Variants in KLF12 observed in about 807,000 individuals in gnomAD.
KLF12 encodes the protein KLF transcription factor 12.
In KLF12, 9 loss-of-function variants were observed where a neutral mutation model predicts 37.8. That is an observed-to-expected ratio of 0.24 (90% confidence interval 0.14 to 0.42). The LOEUF (loss-of-function observed/expected upper bound fraction) is 0.42. Ranked by LOEUF, KLF12 falls within the 10% of genes least tolerant of loss-of-function variation. The pLI is 1.00. For missense variants in KLF12, 411 were observed against 516.0 expected, an observed-to-expected ratio of 0.80 and a Z score of 1.97; for synonymous variants, 208 against 202.1, an observed-to-expected ratio of 1.03 and a Z score of -0.25.
At chr13:74,161,449 G>C in the KLF12 span, among the ~76,000 whole-genome samples, 2 of 152,152 alleles carry the variant, frequency 1.3e-5, no homozygotes, top group Non-Finnish European at 2.9e-5. Context: ...AGGCCATGTG[G>C]AGATGAAGAC....
the KLF12 span, among the ~76,000 whole-genome samples, chr13:74,172,070 A>C: frequency 1.3e-5 from 2 of 152,064 alleles, no homozygotes; most frequent in Non-Finnish European, 2.9e-5. Flanking sequence ...TGGCTATCAA[A>C]TATATGTTTC....
chr13:73,846,130 G>A lies in KLF12; in HGVS notation c.367C>T (p.Leu123=). Residue 123 remains leucine (L), a synonymous_variant, in exon 4 of 8, where the codon CTA becomes TTA. Transcript: ENST00000377669. ...GTGATAACAGTTGGGGATGAGGCTA[G>A]ACGACTAGAAGACGATGAAGAGGTT... 1 of 1,614,138 alleles carries A rather than the reference G, an allele frequency of 6.2e-7. No homozygotes were observed. The highest frequency in any genetic ancestry group is 8.5e-7 in the Non-Finnish European group (1 of 1,180,018).
chr13:74,251,016 C>T, the KLF12 span, among the ~76,000 whole-genome samples: 4 of 152,206 alleles, frequency 2.6e-5, no homozygotes, highest in African/African-American at 4.8e-5. Flanking sequence ...GCTGCCTGTC[C>T]TGACATTGCC....
chr13:74,077,227 C>A (rs572253065), intron 1 of KLF12, among the ~76,000 whole-genome samples: 1 of 152,286 alleles, frequency 6.6e-6, no homozygotes, highest in South Asian at 2.1e-4. Flanking sequence ...TGCCACACTG[C>A]TTTCCCCAAT....
In KLF12 at chr13:74,110,340, T is replaced by C. The variant is rs1000624788; in HGVS notation, c.-32+23399A>G. Among the ~76,000 whole-genome samples, 4 of 152,202 alleles carry C rather than the reference T, an allele frequency of 2.6e-5. No individual in the cohort carries two copies. The East Asian group carries it at 7.7e-4, about 29-fold the overall frequency. On this transcript the variant is annotated intron_variant, in intron 1 of 7. Coordinates refer to ENST00000377669, the MANE Select transcript of KLF12 (RefSeq NM_007249.5). ...AGGCCAGTCCTCAACAGATCATTCT[T>C]AGAACCTCTGGTATGGCTTTATCAT...
the KLF12 span, among the ~76,000 whole-genome samples, chr13:74,172,189 C>T: frequency 8.0e-6 from 1 of 124,618 alleles, no homozygotes; most frequent in African/African-American, 2.8e-5. Flanking sequence ...GACATGTGTT[C>T]CCAGTGCTGT....
At chr13:74,220,113 T>G in the KLF12 span, among the ~76,000 whole-genome samples, 1 of 152,204 alleles carries the variant, frequency 6.6e-6, no homozygotes, top group Non-Finnish European at 1.5e-5. Flanking sequence ...TTTGCCTTTT[T>G]GTGCATTGTT....
chr13:73,768,391 G>A (rs540070358), intron 5 of KLF12, among the ~76,000 whole-genome samples: 1 of 152,254 alleles, frequency 6.6e-6, no homozygotes, highest in African/African-American at 2.4e-5. Context: ...GGTAATTCCA[G>A]GGGATTAAGA....
At chr13:74,033,946 C>T (rs1338529747) in intron 1 of KLF12, among the ~76,000 whole-genome samples, 1 of 149,184 alleles carries the variant, frequency 6.7e-6, no homozygotes, top group African/African-American at 2.5e-5. Flanking sequence ...CTTACCCAAG[C>T]TGAAAGCCAA....
At chr13:74,286,737 G>T in the KLF12 span, among the ~76,000 whole-genome samples, 1 of 152,158 alleles carries the variant, frequency 6.6e-6, no homozygotes, top group Non-Finnish European at 1.5e-5. Flanking sequence ...GTTAGGACAT[G>T]GAGGCTGATT....
At chr13:73,712,883 G>C in intron 7 of KLF12, among the ~76,000 whole-genome samples, 1 of 152,318 alleles carries the variant, frequency 6.6e-6, no homozygotes, top group East Asian at 1.9e-4. Context: ...TTGCACACTT[G>C]AGTATAGTGT....
At chr13:73,910,411 C>CT (rs1888512165) in intron 3 of KLF12, among the ~76,000 whole-genome samples, 1 of 152,132 alleles carries the variant, frequency 6.6e-6, no homozygotes, top group Non-Finnish European at 1.5e-5. Flanking sequence ...AAATGTAACA[C>CT]TATATAATAA....
chr13:73,822,812 T>C (rs1376912153), intron 4 of KLF12, among the ~76,000 whole-genome samples: 1 of 152,212 alleles, frequency 6.6e-6, no homozygotes, highest in Non-Finnish European at 1.5e-5. Flanking sequence ...CTGTGTGTGC[T>C]TCCACTAACT....
intron 5 of KLF12, among the ~76,000 whole-genome samples, chr13:73,774,671 A>C (rs1241996886): frequency 6.6e-6 from 1 of 152,196 alleles, no homozygotes; most frequent in Non-Finnish European, 1.5e-5. Flanking sequence ...AATTCTCTAT[A>C]ATAATTTTGC....
intron 3 of KLF12, among the ~76,000 whole-genome samples, chr13:73,937,647 T>C (rs368352592): frequency 1.5e-4 from 23 of 152,102 alleles, no homozygotes; most frequent in East Asian, 1.4e-3. Context: ...AGAAAGTACA[T>C]TGCTAAAGGG....
chr13:73,827,301 A>C (rs561426294), intron 4 of KLF12, among the ~76,000 whole-genome samples: 1 of 152,226 alleles, frequency 6.6e-6, no homozygotes, highest in East Asian at 1.9e-4. Context: ...CGGGGTGCCC[A>C]TATCAATTTT....
intron 1 of KLF12, among the ~76,000 whole-genome samples, chr13:74,084,716 A>T (rs1190775301): frequency 6.6e-6 from 1 of 152,192 alleles, no homozygotes; most frequent in African/African-American, 2.4e-5. Context: ...AAAGCCTAAA[A>T]GAATACTGTA....
At chr13:74,044,911 C>CA (rs1162204815) in intron 1 of KLF12, among the ~76,000 whole-genome samples, 1 of 147,676 alleles carries the variant, frequency 6.8e-6, no homozygotes, top group Non-Finnish European at 1.5e-5. Flanking sequence ...AATTGGGCAA[C>CA]AAAATAAAGT....
chr13:73,743,375 C>T (rs1204468774), intron 6 of KLF12, among the ~76,000 whole-genome samples: 1 of 152,182 alleles, frequency 6.6e-6, no homozygotes, highest in Non-Finnish European at 1.5e-5. Context: ...AACATTACTT[C>T]TCTCAGGATC....
Sources: allele counts gnomAD v4.1 joint callset (sites outside exome capture counted in the v4.1 genomes callset), GRCh38; gene constraint gnomAD v4.1.1; transcripts MANE v1.5; gene names NCBI Gene and HGNC (gene_info 2026-07-23, HGNC 2026-07-21).